ATG7: variants seen among roughly 807,000 people sequenced by gnomAD.
The protein encoded by ATG7 is autophagy related 7.
Under a neutral mutation model 82.4 loss-of-function variants are expected in ATG7, and 70 were observed. The ratio of observed to expected loss-of-function variants is 0.85; its 90% CI spans 0.70 to 1.04. The LOEUF (loss-of-function observed/expected upper bound fraction) is 1.04, where lower values mean the gene tolerates loss of function less well. ATG7 is among the 50% of genes least tolerant of loss of function. The pLI is 0.00. For missense variants in ATG7, 792 were observed against 864.3 expected (o/e 0.92, Z 1.05); for synonymous variants, 287 against 313.0 (o/e 0.92, Z 0.88).
chr3:11,473,908 C>T (rs545154276), intron 20 of ATG7, among the ~76,000 whole-genome samples: 2 of 152,332 alleles, frequency 1.3e-5, no homozygotes, highest in South Asian at 2.1e-4. Flanking sequence ...TCTGTGCATA[C>T]GTTCAAACCT....
chr3:11,533,236 CTCCCTTTCATCATCACCG>C (rs1268660227), intron 20 of ATG7, among the ~76,000 whole-genome samples: 1 of 152,182 alleles, frequency 6.6e-6, no homozygotes, highest in Admixed American at 6.5e-5. Flanking sequence ...TCCTCTCCAG[CTCCCTTTCATCATCACCG>C]TGAGTGTTCA....
At chr3:11,449,321 A>G (rs2084882438) in intron 20 of ATG7, among the ~76,000 whole-genome samples, 3 of 152,076 alleles carry the variant, frequency 2.0e-5, no homozygotes, top group Admixed American at 6.5e-5. Flanking sequence ...GCAGTGAGCT[A>G]TGATTGCCAC....
intron 1 of ATG7, among the ~76,000 whole-genome samples, chr3:11,278,962 G>C (rs1942476444): frequency 6.6e-6 from 1 of 152,184 alleles, no homozygotes; most frequent in Admixed American, 6.5e-5. Context: ...TAGATGATGG[G>C]TATGTGGAGG....
At chr3:11,414,041 T>C (rs2081153463) in intron 19 of ATG7, among the ~76,000 whole-genome samples, 1 of 152,180 alleles carries the variant, frequency 6.6e-6, no homozygotes, top group Admixed American at 6.6e-5. Context: ...TCATTGCTGG[T>C]ATACTGGAAA....
At chr3:11,546,232 C>A (rs929773513) in intron 20 of ATG7, among the ~76,000 whole-genome samples, 1 of 121,740 alleles carries the variant, frequency 8.2e-6, no homozygotes, top group Non-Finnish European at 1.6e-5. Flanking sequence ...AGTGCAGTGG[C>A]GTAATCTCGG....
intron 2 of ATG7, 71 bp downstream of exon 2, chr3:11,281,173 G>C (rs1356420382): frequency 6.6e-6 from 1 of 152,144 alleles, no homozygotes; most frequent in Non-Finnish European, 1.5e-5. Context: ...ATTACTTAGG[G>C]CTGCCTCATA....
chr3:11,453,523 T>C (rs1029971726), intron 20 of ATG7, among the ~76,000 whole-genome samples: 2 of 152,204 alleles, frequency 1.3e-5, no homozygotes, highest in African/African-American at 4.8e-5. Context: ...GAGGAAGCTA[T>C]TTAAAAGACC....
At chr3:11,576,130 G>GC in the ATG7 span, among the ~76,000 whole-genome samples, 1 of 152,178 alleles carries the variant, frequency 6.6e-6, no homozygotes, top group Non-Finnish European at 1.5e-5. Context: ...CATCTCACCT[G>GC]CCCCCACGTT....
At position 11,417,315 on chromosome 3, in the gene ATG7, G is replaced by A. The variant is rs1298753919; in HGVS notation, c.1957-9489G>A. 3.3e-5 allele frequency among the ~76,000 whole-genome samples: 5 copies of A among 152,130 alleles called. No homozygotes were observed. The East Asian group carries it at 9.6e-4, about 29-fold the overall frequency. On this transcript the variant is annotated intron_variant, in intron 19 of 20. Transcript: ENST00000693202. ...AAAGTAGATTCGTCTATTTCTTCTT[G>A]CCGTACTGTTAGTTTTTACCTCATG... is the stretch of plus-strand genomic sequence containing the variant.
At chr3:11,355,689 T>C (rs1289620479) in intron 14 of ATG7, among the ~76,000 whole-genome samples, 1 of 152,174 alleles carries the variant, frequency 6.6e-6, no homozygotes, top group Non-Finnish European at 1.5e-5. Context: ...CTAAAATGGC[T>C]AAGATTAAGA....
downstream of ATG7, among the ~76,000 whole-genome samples, chr3:11,560,116 A>ATC (rs1356898145): frequency 1.3e-5 from 2 of 151,532 alleles, no homozygotes; most frequent in East Asian, 1.9e-4. Flanking sequence ...CCCTGTTCAG[A>ATC]TCTCTCTCTG....
At chr3:11,388,789 A>G (rs775137609) in intron 19 of ATG7, among the ~76,000 whole-genome samples, 5 of 151,920 alleles carry the variant, frequency 3.3e-5, no homozygotes, top group Non-Finnish European at 7.4e-5. Flanking sequence ...TATACCCTCA[A>G]TAACTTTGTA....
intron 19 of ATG7, among the ~76,000 whole-genome samples, chr3:11,383,663 T>C (rs112357390): frequency 0.036 from 5,522 of 152,256 alleles, 114 homozygotes; most frequent in African/African-American, 0.05. Flanking sequence ...TTGGCCAGGC[T>C]GGTCTCTAAC....
intron 20 of ATG7, among the ~76,000 whole-genome samples, chr3:11,447,619 A>G (rs1016379392): frequency 3.9e-5 from 6 of 152,192 alleles, no homozygotes; most frequent in Non-Finnish European, 7.4e-5. Context: ...CTCACTACCA[A>G]CAAGTTCTTT....
At chr3:11,400,683 C>A (rs988925032) in intron 19 of ATG7, among the ~76,000 whole-genome samples, 1 of 152,036 alleles carries the variant, frequency 6.6e-6, no homozygotes, top group African/African-American at 2.4e-5. Context: ...ATGAGAATAA[C>A]CTCAACAGCC....
chr3:11,459,173 T>TAAAA (rs10658469), intron 20 of ATG7, among the ~76,000 whole-genome samples: 7 of 141,744 alleles, frequency 4.9e-5, no homozygotes, highest in South Asian at 4.5e-4. Context: ...GGAGTCACTT[T>TAAAA]AAAAAAAAAA....
intron 9 of ATG7, among the ~76,000 whole-genome samples, chr3:11,323,252 G>T (rs1202004836): frequency 6.6e-6 from 1 of 152,186 alleles, no homozygotes; most frequent in African/African-American, 2.4e-5. Flanking sequence ...CAGGCTACCA[G>T]TGTGAAGTCC....
At chr3:11,561,616 C>T (rs138256022), downstream of ATG7, among the ~76,000 whole-genome samples, 4,291 of 152,284 alleles carry the variant, frequency 0.028, 70 homozygotes, top group Non-Finnish European at 0.038. Context: ...CCACCTAGAA[C>T]GGGCCCCAGG....
chr3:11,558,549 G>A (rs199701475), downstream of ATG7: 872 of 1,592,546 alleles, frequency 5.5e-4, 2 homozygotes, highest in Middle Eastern at 3.0e-3. Context: ...TGGAGGAGGC[G>A]CTCCCTTCAG....
Sources: gnomAD v4.1 joint callset for allele counts (sites outside exome capture counted in the v4.1 genomes callset) on GRCh38, gnomAD v4.1.1 for gene constraint, MANE v1.5 for transcripts, NCBI Gene and HGNC (gene_info 2026-07-23, HGNC 2026-07-21) for gene names.